The following SLC44A5 variants were observed in gnomAD, a reference collection of about 807,000 sequenced individuals.
SLC44A5 encodes solute carrier family 44 member 5.
SLC44A5 carries 57 observed loss-of-function variants against 101.8 expected under a neutral mutation model. The observed-to-expected ratio is 0.56, with a 90% confidence interval of 0.45 to 0.70. The LOEUF (loss-of-function observed/expected upper bound fraction) is 0.70, where lower values mean the gene tolerates loss of function less well. SLC44A5 is among the 30% of genes least tolerant of loss of function. SLC44A5 has a pLI of 0.00. For synonymous variants in SLC44A5, 281 were observed against 290.9 expected (o/e 0.97, Z 0.35); for missense variants, 737 against 853.1 (o/e 0.86, Z 1.70).
At chr1:75,545,574 T>C (rs1267257737) in intron 1 of SLC44A5, among the ~76,000 whole-genome samples, 1 of 152,198 alleles carries the variant, frequency 6.6e-6, no homozygotes, top group Non-Finnish European at 1.5e-5. Flanking sequence ...TATCTCATCA[T>C]TGGTGATGTT....
chr1:75,316,920 C>T (rs896867753), intron 4 of SLC44A5, among the ~76,000 whole-genome samples: 2 of 152,118 alleles, frequency 1.3e-5, no homozygotes, highest in Non-Finnish European at 2.9e-5. Flanking sequence ...GTTGAGCCAG[C>T]AAAATCCCAG....
chr1:75,548,626 C>G (rs1326229632), intron 1 of SLC44A5, among the ~76,000 whole-genome samples: 1 of 152,136 alleles, frequency 6.6e-6, no homozygotes, highest in Admixed American at 6.6e-5. Flanking sequence ...CATAACACAT[C>G]TCGCATCTGT....
intron 1 of SLC44A5, among the ~76,000 whole-genome samples, chr1:75,588,288 A>C: frequency 6.6e-6 from 1 of 151,310 alleles, no homozygotes; most frequent in East Asian, 2.0e-4. Context: ...GTGGGGAGGA[A>C]GGTGACAGGG....
chr1:75,696,610 C>A, the SLC44A5 span, among the ~76,000 whole-genome samples: 1 of 152,108 alleles, frequency 6.6e-6, no homozygotes, highest in African/African-American at 2.4e-5. Flanking sequence ...AGAAGGTGAA[C>A]ATCGGCCAGG....
chr1:75,576,194 T>C (rs763337984), intron 1 of SLC44A5, among the ~76,000 whole-genome samples: 4 of 149,898 alleles, frequency 2.7e-5, no homozygotes, highest in Non-Finnish European at 5.9e-5. Flanking sequence ...ATAAAAGAAA[T>C]AGAGATGAGA....
chr1:75,445,529 ATTACG>A (rs1665511468), intron 2 of SLC44A5, among the ~76,000 whole-genome samples: 2 of 148,092 alleles, frequency 1.4e-5, no homozygotes, highest in Admixed American at 6.8e-5. Context: ...ATATGTATAT[ATTACG>A]TAATATATAC....
chr1:75,282,988 G>C (rs141351085), intron 5 of SLC44A5, among the ~76,000 whole-genome samples: 9 of 152,068 alleles, frequency 5.9e-5, no homozygotes, highest in African/African-American at 2.2e-4. Flanking sequence ...TATCTTTTTC[G>C]TATAATGATT....
intron 1 of SLC44A5, among the ~76,000 whole-genome samples, chr1:75,583,259 AG>A (rs1234183231): frequency 2.0e-5 from 3 of 152,192 alleles, no homozygotes; most frequent in Non-Finnish European, 2.9e-5. Flanking sequence ...GGATCAAAAA[AG>A]GAGCTAATTT....
chr1:75,609,871 G>C (rs1998547), intron 1 of SLC44A5, among the ~76,000 whole-genome samples: 29,118 of 151,948 alleles, frequency 0.19, 3,110 homozygotes, highest in Admixed American at 0.28. Context: ...AGTGGTTTAA[G>C]ACAAGAGTAA....
chr1:75,261,006 C>G (rs1650453222), intron 6 of SLC44A5, among the ~76,000 whole-genome samples: 1 of 152,090 alleles, frequency 6.6e-6, no homozygotes, highest in Admixed American at 6.6e-5. Flanking sequence ...ACCAGAATCT[C>G]TGGGACACAT....
At chr1:75,642,106 T>C in the SLC44A5 span, 4 of 1,137,044 alleles carry the variant, frequency 3.5e-6, no homozygotes, top group Non-Finnish European at 5.1e-6. Flanking sequence ...TTATTTGATG[T>C]AGATATAATT....
At chr1:75,476,658 C>A (rs1271216449) in intron 2 of SLC44A5, among the ~76,000 whole-genome samples, 1 of 152,226 alleles carries the variant, frequency 6.6e-6, no homozygotes, top group Non-Finnish European at 1.5e-5. Context: ...GCTAGCACAG[C>A]AGTCTGAGAT....
At chr1:75,505,408 T>A (rs1212549039) in intron 2 of SLC44A5, among the ~76,000 whole-genome samples, 1 of 152,152 alleles carries the variant, frequency 6.6e-6, no homozygotes, top group Non-Finnish European at 1.5e-5. Flanking sequence ...AGTTCCGTTT[T>A]AAGTTCTTTG....
chr1:75,723,129 C>T, the SLC44A5 span, among the ~76,000 whole-genome samples: 3 of 152,186 alleles, frequency 2.0e-5, no homozygotes, highest in Non-Finnish European at 4.4e-5. Context: ...CAGAGGTCCC[C>T]TTCCAGCCAA....
At chr1:75,586,303 T>G (rs1369240658) in intron 1 of SLC44A5, among the ~76,000 whole-genome samples, 1 of 151,966 alleles carries the variant, frequency 6.6e-6, no homozygotes, top group Non-Finnish European at 1.5e-5. Context: ...AGACAGTAGA[T>G]AGGGGATTTC....
intron 2 of SLC44A5, among the ~76,000 whole-genome samples, chr1:75,461,165 G>T (rs1321761597): frequency 6.6e-6 from 1 of 152,116 alleles, no homozygotes. Context: ...AAATGCTTTT[G>T]GCATACAAAG....
chr1:75,414,350 CACACACAT>C (rs1224905512), intron 2 of SLC44A5, among the ~76,000 whole-genome samples: 3 of 151,588 alleles, frequency 2.0e-5, no homozygotes, highest in African/African-American at 7.3e-5. Flanking sequence ...CACACACACA[CACACACAT>C]ATATCTTTTC....
In SLC44A5 at chr1:75,569,628, G is replaced by A. The variant is rs76357071; in HGVS notation, c.-69-28112C>T. Among the ~76,000 whole-genome samples, 835 of 152,102 alleles carry A rather than the reference G, an allele frequency of 5.5e-3. 5 individuals carry two copies. The highest frequency in any genetic ancestry group is 0.012 in the African/African-American group (504 of 41,442). ...CAAGTTCCTTGCAGGTAGAATTCAC[G>A]TATAACTCATTATTCTACTCTCCAT... On this transcript the variant is annotated intron_variant, in intron 1 of 23. Coordinates refer to ENST00000370859, the MANE Select transcript of SLC44A5 (RefSeq NM_001130058.2).
At chr1:75,527,769 C>T (rs751933367) in intron 2 of SLC44A5, among the ~76,000 whole-genome samples, 1 of 151,976 alleles carries the variant, frequency 6.6e-6, no homozygotes, top group Admixed American at 6.6e-5. Flanking sequence ...TCTACAAGAC[C>T]CTTCCAGTCA....
Sources: allele counts gnomAD v4.1 joint callset (sites outside exome capture counted in the v4.1 genomes callset), GRCh38; gene constraint gnomAD v4.1.1; transcripts MANE v1.5; gene names NCBI Gene and HGNC (gene_info 2026-07-23, HGNC 2026-07-21).